Variants in AOPEP observed in about 807,000 individuals in gnomAD.
AOPEP encodes aminopeptidase O (putative).
AOPEP carries 77 observed loss-of-function variants against 98.1 expected under a neutral mutation model. The observed-to-expected ratio is 0.78, with a 90% CI of 0.65 to 0.95. AOPEP has a LOEUF of 0.95. Among genes scored for constraint, AOPEP ranks in the 40% least tolerant of loss-of-function variants. AOPEP has a pLI of 0.00. For missense variants in AOPEP, 1,024 were observed against 1,024.7 expected (o/e 1.00, Z 0.01); for synonymous variants, 346 against 365.3 (o/e 0.95, Z 0.60).
chr9:94,916,694 C>CAA (rs560271736), intron 5 of AOPEP, among the ~76,000 whole-genome samples: 3,507 of 99,836 alleles, frequency 0.035, 66 homozygotes, highest in Admixed American at 0.085. Context: ...GACTCCCTCT[C>CAA]AAAAAAAAAA....
rs539403532 is a variant in AOPEP at position 95,048,387 on chromosome 9, C to T, written c.2116-12307C>T. 3.3e-5 allele frequency among the ~76,000 whole-genome samples: 5 copies of T among 150,850 alleles called. No homozygotes were observed. The East Asian group carries it at 9.9e-4, about 30-fold the overall frequency. ...TGTTGAAGTGCTGAGATGAGAACTT[C>T]TCATTAGAGTAATTGCCTAATTGCC... On this transcript the variant is annotated intron_variant, in intron 13 of 16. Coordinates refer to ENST00000375315, the MANE Select transcript of AOPEP (RefSeq NM_001193329.3).
chr9:95,083,028 T>C (rs1372796527), intron 16 of AOPEP: 2 of 281,494 alleles, frequency 7.1e-6, no homozygotes, highest in Non-Finnish European at 1.3e-5. Flanking sequence ...AAACAAAAAT[T>C]GTGGGGGAAC....
the AOPEP span, among the ~76,000 whole-genome samples, chr9:95,115,167 C>T: frequency 6.6e-6 from 1 of 152,174 alleles, no homozygotes; most frequent in Non-Finnish European, 1.5e-5. Context: ...GTCTCAAATT[C>T]CTGGGCTCAA....
intron 1 of AOPEP, among the ~76,000 whole-genome samples, chr9:94,756,197 T>G (rs1271493933): frequency 6.8e-6 from 1 of 147,436 alleles, no homozygotes; most frequent in African/African-American, 2.5e-5. Context: ...GAGGCGGAGC[T>G]TACAGTGAGC....
chr9:95,135,647 G>A, the AOPEP span: 2 of 687,170 alleles, frequency 2.9e-6, no homozygotes, highest in Middle Eastern at 3.9e-4. Context: ...TATAGAATCA[G>A]TGAATATTTA....
At chr9:95,150,176 G>T in the AOPEP span, 1 of 1,374,786 alleles carries the variant, frequency 7.3e-7, no homozygotes, top group Non-Finnish European at 1.0e-6. Flanking sequence ...AAAGGTCAAA[G>T]ACAGATCACC....
the AOPEP span, among the ~76,000 whole-genome samples, chr9:95,145,961 ATTCT>A: frequency 1.7e-5 from 2 of 119,130 alleles, no homozygotes; most frequent in East Asian, 2.5e-4. Flanking sequence ...CTGAACTCTG[ATTCT>A]TTATTTTTTT....
intron 13 of AOPEP, among the ~76,000 whole-genome samples, chr9:95,012,995 G>C (rs1326058512): frequency 1.5e-5 from 2 of 135,414 alleles, no homozygotes; most frequent in African/African-American, 2.7e-5. Context: ...TTTGGGGGGG[G>C]GGGCAGGGCG....
intron 1 of AOPEP, among the ~76,000 whole-genome samples, chr9:94,732,995 AT>A (rs924490589): frequency 5.4e-4 from 82 of 151,630 alleles, no homozygotes; most frequent in African/African-American, 1.8e-3. Context: ...TTTATAACAA[AT>A]TTTTTTTTGT....
At chr9:95,126,978 G>A in the AOPEP span, 3 of 258,298 alleles carry the variant, frequency 1.2e-5, no homozygotes, top group Non-Finnish European at 2.3e-5. Flanking sequence ...GATGTGCCTC[G>A]AGGTCAGGCC....
intron 14 of AOPEP, among the ~76,000 whole-genome samples, chr9:95,072,786 G>A (rs890161343): frequency 1.3e-5 from 2 of 152,206 alleles, no homozygotes; most frequent in African/African-American, 4.8e-5. Context: ...AGACATGCCC[G>A]TTGTCACGGG....
intron 13 of AOPEP, among the ~76,000 whole-genome samples, chr9:95,007,495 C>G (rs1564514969): frequency 6.6e-6 from 1 of 152,124 alleles, no homozygotes; most frequent in Admixed American, 6.5e-5. Flanking sequence ...AGATTTGCCT[C>G]TCACTTTTTT....
chr9:94,937,450 A>G (rs922391809), intron 7 of AOPEP, among the ~76,000 whole-genome samples: 6 of 152,206 alleles, frequency 3.9e-5, no homozygotes, highest in African/African-American at 1.4e-4. Context: ...TGACAGCCTC[A>G]TTTTAATTTA....
the AOPEP span, among the ~76,000 whole-genome samples, chr9:95,122,293 G>T: frequency 6.6e-6 from 1 of 152,196 alleles, no homozygotes; most frequent in East Asian, 1.9e-4. Context: ...ATAAAACACA[G>T]AGAGAAAAGA....
intron 7 of AOPEP, among the ~76,000 whole-genome samples, chr9:94,950,477 A>G (rs2058023313): frequency 6.6e-6 from 1 of 152,140 alleles, no homozygotes; most frequent in South Asian, 2.1e-4. Flanking sequence ...GCCCTCACCC[A>G]GTGGTCATGC....
chr9:94,994,729 A>T (rs981732745), intron 11 of AOPEP, among the ~76,000 whole-genome samples: 10 of 152,168 alleles, frequency 6.6e-5, no homozygotes, highest in Non-Finnish European at 1.5e-4. Flanking sequence ...AGGTGGGTGG[A>T]TCACCTGAGG....
At chr9:94,831,092 T>C (rs1855873566) in intron 5 of AOPEP, among the ~76,000 whole-genome samples, 1 of 152,246 alleles carries the variant, frequency 6.6e-6, no homozygotes, top group Non-Finnish European at 1.5e-5. Flanking sequence ...TTTGTTGCAA[T>C]TGCTTTTGGC....
chr9:95,120,790 A>G, the AOPEP span, among the ~76,000 whole-genome samples: 1 of 152,160 alleles, frequency 6.6e-6, no homozygotes, highest in African/African-American at 2.4e-5. Flanking sequence ...TTTAACTTCC[A>G]TTTAATTGCT....
chr9:94,838,357 T>G (rs2041874775), intron 5 of AOPEP, among the ~76,000 whole-genome samples: 1 of 152,214 alleles, frequency 6.6e-6, no homozygotes, highest in Admixed American at 6.5e-5. Flanking sequence ...CTACTCTTTC[T>G]CCATTGAATT....
Sources: gnomAD v4.1 joint callset for allele counts (sites outside exome capture counted in the v4.1 genomes callset) on GRCh38, gnomAD v4.1.1 for gene constraint, MANE v1.5 for transcripts, NCBI Gene and HGNC (gene_info 2026-07-23, HGNC 2026-07-21) for gene names.